The following APBB1IP variants were observed in gnomAD, a reference collection of about 807,000 sequenced individuals.
APBB1IP encodes the protein amyloid beta precursor protein binding family B member 1 interacting protein.
A neutral mutation model predicts 64.9 loss-of-function variants in APBB1IP; 27 were observed. That is an observed-to-expected ratio of 0.42 (90% CI 0.31 to 0.57). APBB1IP has a LOEUF of 0.57. Ranked by LOEUF, APBB1IP falls within the 20% of genes least tolerant of loss-of-function variation. The pLI is 0.20. For synonymous variants in APBB1IP, 392 were observed against 331.0 expected (o/e 1.18, Z -2.00); for missense variants, 812 against 845.5 (o/e 0.96, Z 0.49).
At chr10:26,535,387 A>G (rs1193304164) in intron 9 of APBB1IP, among the ~76,000 whole-genome samples, 1 of 152,126 alleles carries the variant, frequency 6.6e-6, no homozygotes, top group East Asian at 1.9e-4. Flanking sequence ...ATGGGCATGC[A>G]ATGTGACCTA....
At chr10:26,560,305 G>A (rs1173275416) in intron 12 of APBB1IP, 102 bp downstream of exon 12, 4 of 1,107,614 alleles carry the variant, frequency 3.6e-6, no homozygotes, top group Admixed American at 1.8e-5. Context: ...CCCACCCTTG[G>A]GTTCAGCCAC....
At chr10:26,490,020 A>G (rs1216761915) in intron 2 of APBB1IP, among the ~76,000 whole-genome samples, 3 of 152,114 alleles carry the variant, frequency 2.0e-5, no homozygotes, top group East Asian at 1.9e-4. Flanking sequence ...GTGAGACTCC[A>G]TCTCAAAAGA....
At chr10:26,469,996 A>G (rs1835697676) in intron 2 of APBB1IP, among the ~76,000 whole-genome samples, 1 of 152,020 alleles carries the variant, frequency 6.6e-6, no homozygotes, top group African/African-American at 2.4e-5. Flanking sequence ...CAACTACAAC[A>G]CAGGGGCCAG....
chr10:26,543,352 G>A (rs1327257328), intron 11 of APBB1IP, among the ~76,000 whole-genome samples: 1 of 151,544 alleles, frequency 6.6e-6, no homozygotes, highest in African/African-American at 2.4e-5. Context: ...CTTTAGTCCC[G>A]CTACTTGGGG....
Position 26,536,225 on chromosome 10 carries a change from A to C in APBB1IP, c.1044+8A>C. On this transcript the variant is annotated splice_region_variant and intron_variant, in intron 10 of 14. Coordinates refer to ENST00000376236, the MANE Select transcript of APBB1IP (RefSeq NM_019043.4). The stretch of plus-strand genomic sequence containing the variant: ...CCCAAAGGAAAGACTAAGGTCAGAA[A>C]AAAAAAAAAAAAAGCACTTAGCAAT... 7.8e-7 allele frequency: 1 copy of C among 1,280,634 alleles called. No homozygotes were observed. The highest frequency in any genetic ancestry group is 1.0e-6 in the Non-Finnish European group (1 of 955,154). The allele number at this position is 1,280,634 out of a possible 1,614,324, so 79.3% of individuals were successfully genotyped here.
intron 8 of APBB1IP, among the ~76,000 whole-genome samples, chr10:26,526,949 A>G (rs2132457865): frequency 1.3e-5 from 2 of 152,314 alleles, no homozygotes; most frequent in East Asian, 3.9e-4. Context: ...AGACAGAAAC[A>G]CAACTTCTTT....
At position 26,471,978 on chromosome 10, in the gene APBB1IP, C is replaced by T. The variant is rs116089842; in HGVS notation, c.1-20349C>T. 4.2e-3 allele frequency among the ~76,000 whole-genome samples: 634 copies of T among 152,188 alleles called. 3 individuals are homozygous for T. The highest frequency in any genetic ancestry group is 0.014 in the African/African-American group (575 of 41,528). Reference sequence around the variant, plus strand: ...GATTACAGGCGTGAGCCACTGTGCCCGGCCTGTTTGAGCTTATTCATGCAA... The same window carrying T: ...GATTACAGGCGTGAGCCACTGTGCCTGGCCTGTTTGAGCTTATTCATGCAA... On this transcript the variant is annotated intron_variant, in intron 2 of 14. Coordinates refer to ENST00000376236, the MANE Select transcript of APBB1IP (RefSeq NM_019043.4).
At chr10:26,472,531 T>C (rs1835730825) in intron 2 of APBB1IP, among the ~76,000 whole-genome samples, 1 of 152,092 alleles carries the variant, frequency 6.6e-6, no homozygotes, top group East Asian at 1.9e-4. Context: ...ATTCTTTCAT[T>C]TTCATCTTGA....
intron 8 of APBB1IP, among the ~76,000 whole-genome samples, chr10:26,520,451 T>C (rs1325522163): frequency 6.6e-6 from 1 of 152,240 alleles, no homozygotes; most frequent in Non-Finnish European, 1.5e-5. Context: ...TAAAAAACTC[T>C]TTAAAATTTC....
chr10:26,454,969 C>T (rs975425015), intron 2 of APBB1IP, among the ~76,000 whole-genome samples: 5 of 152,174 alleles, frequency 3.3e-5, no homozygotes, highest in Admixed American at 3.3e-4. Flanking sequence ...TGGCTCTCCA[C>T]AGTTTGACAA....
intron 10 of APBB1IP, among the ~76,000 whole-genome samples, chr10:26,539,512 A>G (rs1836671228): frequency 6.6e-6 from 1 of 151,710 alleles, no homozygotes; most frequent in African/African-American, 2.4e-5. Flanking sequence ...AGAAAGGGAG[A>G]AAAAAAAGAA....
chr10:26,558,838 G>A (rs1174371264), intron 11 of APBB1IP, among the ~76,000 whole-genome samples: 2 of 152,178 alleles, frequency 1.3e-5, no homozygotes, highest in African/African-American at 4.8e-5. Flanking sequence ...GGAATGCAAG[G>A]AGTTTCTCTT....
At chr10:26,439,404 C>T (rs566295652) in intron 2 of APBB1IP, among the ~76,000 whole-genome samples, 1 of 152,222 alleles carries the variant, frequency 6.6e-6, no homozygotes, top group Admixed American at 6.5e-5. Context: ...AACTTTTTCC[C>T]CCGAATATTC....
chr10:26,515,718 A>G (rs192174021), intron 8 of APBB1IP, among the ~76,000 whole-genome samples: 38 of 152,296 alleles, frequency 2.5e-4, no homozygotes, highest in Admixed American at 7.2e-4. Context: ...ATGGTGGGAG[A>G]GCCGGAGATT....
intron 2 of APBB1IP, among the ~76,000 whole-genome samples, chr10:26,477,837 C>A (rs1309032012): frequency 4.6e-5 from 7 of 152,172 alleles, no homozygotes; most frequent in Admixed American, 1.3e-4. Context: ...CTCAAGTGAT[C>A]CTCCCGCCTC....
intron 2 of APBB1IP, among the ~76,000 whole-genome samples, chr10:26,459,051 T>TA (rs1355648161): frequency 2.0e-5 from 3 of 150,938 alleles, no homozygotes; most frequent in Non-Finnish European, 4.4e-5. Context: ...AACTTGTCAT[T>TA]TAGCATTAGG....
chr10:26,488,709 C>T (rs546642541), intron 2 of APBB1IP, among the ~76,000 whole-genome samples: 1 of 152,232 alleles, frequency 6.6e-6, no homozygotes, highest in African/African-American at 2.4e-5. Context: ...TTAATCCCAA[C>T]AATACACACA....
intron 11 of APBB1IP, among the ~76,000 whole-genome samples, chr10:26,542,630 T>C (rs1836710963): frequency 6.6e-6 from 1 of 152,168 alleles, no homozygotes; most frequent in South Asian, 2.1e-4. Flanking sequence ...ACCAGGTGAA[T>C]TCAATCATAT....
At chr10:26,452,357 A>G (rs1162158286) in intron 2 of APBB1IP, among the ~76,000 whole-genome samples, 4 of 152,216 alleles carry the variant, frequency 2.6e-5, no homozygotes, top group Non-Finnish European at 1.5e-5. Flanking sequence ...ACTTGAATGA[A>G]AATACAAGAT....
Sources: allele counts gnomAD v4.1 joint callset (sites outside exome capture counted in the v4.1 genomes callset), GRCh38; gene constraint gnomAD v4.1.1; transcripts MANE v1.5; gene names NCBI Gene and HGNC (gene_info 2026-07-23, HGNC 2026-07-21).